The following NKAIN3 variants were observed in gnomAD, a reference collection of about 807,000 sequenced individuals.
The protein encoded by NKAIN3 is sodium/potassium-transporting ATPase subunit beta-1-interacting protein 3.
In NKAIN3, 25 loss-of-function variants were observed where a neutral mutation model predicts 30.2. The observed-to-expected ratio is 0.83, with a 90% CI of 0.60 to 1.16. The LOEUF is 1.16. Among genes scored for constraint, NKAIN3 ranks in the 50% most tolerant of loss-of-function variants. The probability of loss-of-function intolerance (pLI) is 0.00; values close to 1 mark genes in which losing one functional copy is unlikely to be tolerated. For missense variants in NKAIN3, 225 were observed against 254.1 expected (o/e 0.89, Z 0.78); for synonymous variants, 91 against 89.6 (o/e 1.02, Z -0.09).
At chr8:62,578,952 T>C (rs1168888168) in intron 1 of NKAIN3, among the ~76,000 whole-genome samples, 3 of 151,828 alleles carry the variant, frequency 2.0e-5, no homozygotes, top group Non-Finnish European at 4.4e-5. Flanking sequence ...TAGAGGTAGA[T>C]AGAATGAATA....
intron 6 of NKAIN3, among the ~76,000 whole-genome samples, chr8:62,959,902 A>G (rs1232725102): frequency 2.6e-5 from 4 of 152,184 alleles, no homozygotes; most frequent in African/African-American, 7.2e-5. Context: ...CGAAGGAGAG[A>G]TGGGCTTCCT....
intron 4 of NKAIN3, among the ~76,000 whole-genome samples, chr8:62,877,850 G>C (rs1167912974): frequency 6.6e-6 from 1 of 152,018 alleles, no homozygotes; most frequent in African/African-American, 2.4e-5. Flanking sequence ...AGACCAGCCT[G>C]ACCAACATGA....
intron 3 of NKAIN3, among the ~76,000 whole-genome samples, chr8:62,638,614 CA>C (rs1229534742): frequency 1.3e-5 from 2 of 152,050 alleles, no homozygotes; most frequent in Non-Finnish European, 2.9e-5. Flanking sequence ...TCCTTTACCC[CA>C]AATGCCAAAA....
At chr8:62,316,301 T>G (rs1814624626) in intron 1 of NKAIN3, among the ~76,000 whole-genome samples, 1 of 152,080 alleles carries the variant, frequency 6.6e-6, no homozygotes, top group Non-Finnish European at 1.5e-5. Flanking sequence ...TTATTATACT[T>G]TAAGTTTTAG....
intron 1 of NKAIN3, among the ~76,000 whole-genome samples, chr8:62,529,969 G>C (rs1361493832): frequency 2.0e-5 from 3 of 152,156 alleles, no homozygotes; most frequent in Admixed American, 1.3e-4. Context: ...GATTTCTCCT[G>C]GCTCGGCTAT....
Position 62,450,948 on chromosome 8 carries a change from G to A in NKAIN3, c.55-128591G>A, listed in dbSNP as rs148971978. ...TTTGTAAGTGAGGAACAGATACAGT[G>A]TGCAGTGAAAGGTAGAGTGATTTTT... On this transcript the variant is annotated intron_variant, in intron 1 of 6. Coordinates refer to ENST00000623646, the MANE Select transcript of NKAIN3 (RefSeq NM_001304533.3). Among the ~76,000 whole-genome samples the A allele has an allele frequency of 1.9e-3, 290 of 152,328 alleles. 3 individuals carry two copies. In the East Asian group the frequency reaches 0.03, roughly 16 times the overall value.
intron 1 of NKAIN3, among the ~76,000 whole-genome samples, chr8:62,578,255 T>C (rs1810179424): frequency 6.6e-6 from 1 of 152,150 alleles, no homozygotes; most frequent in Admixed American, 6.6e-5. Context: ...CACTGGACCA[T>C]ATGAAATGCA....
chr8:62,629,048 C>T (rs1314498939), intron 3 of NKAIN3, among the ~76,000 whole-genome samples: 1 of 152,084 alleles, frequency 6.6e-6, no homozygotes, highest in Non-Finnish European at 1.5e-5. Context: ...CATTTTCTCC[C>T]TCCTAACATT....
intron 3 of NKAIN3, among the ~76,000 whole-genome samples, chr8:62,609,727 C>G (rs1027955228): frequency 1.3e-5 from 2 of 151,894 alleles, no homozygotes; most frequent in African/African-American, 4.8e-5. Context: ...AGTTGAGAGG[C>G]CTTGGTGGCA....
At chr8:62,791,013 TTCTCATGGCAG>T (rs1817688512) in intron 4 of NKAIN3, among the ~76,000 whole-genome samples, 1 of 152,094 alleles carries the variant, frequency 6.6e-6, no homozygotes, top group South Asian at 2.1e-4. Flanking sequence ...AATAGGTCTT[TTCTCATGGCAG>T]TCTCATGACT....
chr8:62,645,073 C>A (rs1267723728), intron 3 of NKAIN3, among the ~76,000 whole-genome samples: 1 of 152,102 alleles, frequency 6.6e-6, no homozygotes, highest in Non-Finnish European at 1.5e-5. Flanking sequence ...AGTCAAATCG[C>A]AGTGGTCTCT....
Position 62,512,706 on chromosome 8 carries a change from T to C in NKAIN3, c.55-66833T>C, listed in dbSNP as rs146676950. Among the ~76,000 whole-genome samples, 730 of 150,314 alleles carry C rather than the reference T, an allele frequency of 4.9e-3. 7 individuals carry two copies. The highest frequency in any genetic ancestry group is 8.1e-3 in the Non-Finnish European group (548 of 67,652). On this transcript the variant is annotated intron_variant, in intron 1 of 6. Coordinates refer to ENST00000623646, the MANE Select transcript of NKAIN3 (RefSeq NM_001304533.3). ...AATGTGTACTTAGCAGTGAACAAAC[T>C]GTGTTAGTACTGAAGCTGCTGCCAC...
intron 1 of NKAIN3, among the ~76,000 whole-genome samples, chr8:62,454,718 G>T (rs1003690867): frequency 6.6e-6 from 1 of 152,144 alleles, no homozygotes; most frequent in Non-Finnish European, 1.5e-5. Flanking sequence ...CTCATATTGT[G>T]TTGAAATTTT....
At chr8:62,587,613 T>G (rs961287534) in intron 2 of NKAIN3, among the ~76,000 whole-genome samples, 1 of 151,924 alleles carries the variant, frequency 6.6e-6, no homozygotes, top group African/African-American at 2.4e-5. Context: ...AGCTCTGAAA[T>G]CAAACTATCA....
At chr8:62,551,301 A>G (rs897660268) in intron 1 of NKAIN3, among the ~76,000 whole-genome samples, 3 of 152,218 alleles carry the variant, frequency 2.0e-5, no homozygotes, top group African/African-American at 4.8e-5. Context: ...CTTAGGATCT[A>G]CTTCTGTAAT....
At chr8:62,475,268 C>T (rs138490191) in intron 1 of NKAIN3, among the ~76,000 whole-genome samples, 70 of 152,276 alleles carry the variant, frequency 4.6e-4, no homozygotes, top group African/African-American at 1.6e-3. Context: ...ACATACCTGA[C>T]ACATGTTAAG....
chr8:62,656,933 C>T (rs1043963093), intron 3 of NKAIN3, among the ~76,000 whole-genome samples: 11 of 152,136 alleles, frequency 7.2e-5, no homozygotes, highest in African/African-American at 2.2e-4. Flanking sequence ...ATTTAAAAAA[C>T]ATCTATCATG....
At chr8:62,610,519 C>G (rs1001395326) in intron 3 of NKAIN3, among the ~76,000 whole-genome samples, 1 of 151,998 alleles carries the variant, frequency 6.6e-6, no homozygotes, top group African/African-American at 2.4e-5. Flanking sequence ...AATTCTGTCT[C>G]TGACACATGT....
rs1324697853 is a variant in NKAIN3, at chr8:62,990,240, G to A, written c.533-8991G>A. The A allele has an allele frequency of 1.9e-6, 3 of 1,543,966 alleles. No homozygotes were observed. The African/African-American group carries it at 4.1e-5, about 21-fold the overall frequency. The stretch of plus-strand genomic sequence containing the variant: ...CAAATTATTGAATAAGCAAGAATTA[G>A]TAAGATATTATCACCAAATTGTCAC... On this transcript the variant is annotated intron_variant, in intron 5 of 5. Coordinates refer to the NKAIN3 transcript ENST00000519049.
Sources: allele counts gnomAD v4.1 joint callset (sites outside exome capture counted in the v4.1 genomes callset), GRCh38; gene constraint gnomAD v4.1.1; transcripts MANE v1.5; gene names NCBI Gene and HGNC (gene_info 2026-07-23, HGNC 2026-07-21).